Variants in ANKFN1 observed in about 807,000 individuals in gnomAD.
ANKFN1 encodes ankyrin repeat and fibronectin type III domain containing 1, also known as ankyrin repeat and fibronectin type-III domain-containing protein 1.
ANKFN1 carries 74 observed loss-of-function variants against 108.7 expected under a neutral mutation model. The observed-to-expected ratio is 0.68, with a 90% CI of 0.56 to 0.83. ANKFN1 has a LOEUF of 0.83. Among genes scored for constraint, ANKFN1 ranks in the 40% least tolerant of loss-of-function variants. The probability of loss-of-function intolerance (pLI) is 0.00; values close to 1 mark genes in which losing one functional copy is unlikely to be tolerated. For missense variants in ANKFN1, 1,505 were observed against 1,382.3 expected, an observed-to-expected ratio of 1.09 and a Z score of -1.41; for synonymous variants, 547 against 516.2, an observed-to-expected ratio of 1.06 and a Z score of -0.81.
intron 20 of ANKFN1, among the ~76,000 whole-genome samples, 197 bp from the exon 21 acceptor site, chr17:56,510,276 A>AT (rs2051702046): frequency 6.6e-6 from 1 of 151,996 alleles, no homozygotes; most frequent in Non-Finnish European, 1.5e-5. Context: ...CCACTACATA[A>AT]TTTGTGGGGT....
intron 1 of ANKFN1, among the ~76,000 whole-genome samples, chr17:56,200,919 T>C (rs1040861533): frequency 1.3e-5 from 2 of 152,216 alleles, no homozygotes; most frequent in Non-Finnish European, 2.9e-5. Context: ...CATCAGAAGA[T>C]TCTGAAGCAT....
chr17:56,335,774 G>A (rs1056609575), intron 4 of ANKFN1, among the ~76,000 whole-genome samples: 1 of 152,102 alleles, frequency 6.6e-6, no homozygotes, highest in Non-Finnish European at 1.5e-5. Context: ...TGGTGAGAGA[G>A]GGCATCCCTG....
intron 3 of ANKFN1, among the ~76,000 whole-genome samples, chr17:56,253,617 AT>A (rs1165056520): frequency 1.3e-5 from 2 of 152,202 alleles, no homozygotes; most frequent in African/African-American, 2.4e-5. Context: ...ATGCACCTAT[AT>A]CCCGGCTATT....
At chr17:56,330,736 T>A (rs960072254) in intron 4 of ANKFN1, among the ~76,000 whole-genome samples, 2 of 152,138 alleles carry the variant, frequency 1.3e-5, no homozygotes, top group African/African-American at 2.4e-5. Flanking sequence ...TACTTACTTT[T>A]TAATCCCTTG....
At chr17:56,226,099 C>CT (rs933370178) in intron 2 of ANKFN1, among the ~76,000 whole-genome samples, 35 of 151,396 alleles carry the variant, frequency 2.3e-4, no homozygotes, top group African/African-American at 7.5e-4. Flanking sequence ...TTTCAGTGGA[C>CT]TTTTTTTTTG....
In ANKFN1 at chr17:56,140,499, C is replaced by T. The variant is rs563612258; in HGVS notation, c.289-87418C>T. Among the ~76,000 whole-genome samples, 6 of 152,268 alleles carry T rather than the reference C, an allele frequency of 3.9e-5. No individual in the cohort carries two copies. In the East Asian group the frequency reaches 7.7e-4, roughly 20 times the overall value. ...TGCAGCTGAAAGACTTTCTTATTTT[C>T]TTGTCTTTCAAATTCTAACCTGCCT... On this transcript the variant is annotated intron_variant, in intron 4 of 12. Transcript: ENST00000635860.
intron 8 of ANKFN1, among the ~76,000 whole-genome samples, chr17:56,398,966 G>T (rs948167650): frequency 1.1e-4 from 17 of 152,078 alleles, no homozygotes; most frequent in African/African-American, 4.1e-4. Context: ...TGCCATGCTG[G>T]TACATAATAG....
At chr17:56,161,366 G>A (rs936881036) in intron 1 of ANKFN1, among the ~76,000 whole-genome samples, 4 of 152,094 alleles carry the variant, frequency 2.6e-5, no homozygotes, top group African/African-American at 7.2e-5. Context: ...TAGTAACTGC[G>A]TTCAGGGAAG....
chr17:56,149,888 G>C (rs1360684388), upstream of ANKFN1, among the ~76,000 whole-genome samples: 6 of 152,234 alleles, frequency 3.9e-5, no homozygotes, highest in Admixed American at 1.3e-4. Flanking sequence ...CCAGCTTCCA[G>C]GGTTGGAAGG....
intron 1 of ANKFN1, among the ~76,000 whole-genome samples, chr17:56,188,545 A>ATGTGTG (rs1173100959): frequency 2.0e-3 from 170 of 87,056 alleles, no homozygotes; most frequent in African/African-American, 8.5e-3. Context: ...TAAGATGTAT[A>ATGTGTG]TGTGTGTGTG....
intron 1 of ANKFN1, among the ~76,000 whole-genome samples, chr17:56,161,055 A>G (rs1288736732): frequency 6.6e-6 from 1 of 152,200 alleles, no homozygotes; most frequent in East Asian, 1.9e-4. Context: ...ATTAGAGGAG[A>G]TTTGTATGCC....
chr17:56,443,082 C>A (rs2049166460), intron 10 of ANKFN1, 149 bp downstream of exon 10: 1 of 674,938 alleles, frequency 1.5e-6, no homozygotes, highest in Non-Finnish European at 2.5e-6. Context: ...ATGAATGATT[C>A]CCCTGCAGAA....
At chr17:56,380,082 G>A (rs1598488560) in intron 8 of ANKFN1, among the ~76,000 whole-genome samples, 1 of 152,256 alleles carries the variant, frequency 6.6e-6, no homozygotes, top group Admixed American at 6.5e-5. Flanking sequence ...TTAATTTGGG[G>A]AGAATCTCAT....
chr17:56,310,719 A>G (rs2044995770), intron 3 of ANKFN1, among the ~76,000 whole-genome samples: 1 of 152,024 alleles, frequency 6.6e-6, no homozygotes, highest in Admixed American at 6.6e-5. Context: ...TAGCAAGCTA[A>G]TTAACATATC....
intron 8 of ANKFN1, among the ~76,000 whole-genome samples, chr17:56,402,361 C>T (rs1216221381): frequency 2.0e-5 from 3 of 152,036 alleles, no homozygotes; most frequent in African/African-American, 4.8e-5. Flanking sequence ...ATTTCAATCT[C>T]GCTGCTTGCT....
chr17:56,467,799 A>AGAAAGAAAG (rs1568026402), intron 15 of ANKFN1, among the ~76,000 whole-genome samples: 34 of 20,130 alleles, frequency 1.7e-3, no homozygotes, highest in Middle Eastern at 0.023. Context: ...AAGAAGAAAG[A>AGAAAGAAAG]AAGAAAGAAA....
At chr17:56,493,991 A>G (rs1191733909) in intron 19 of ANKFN1, among the ~76,000 whole-genome samples, 4 of 152,202 alleles carry the variant, frequency 2.6e-5, no homozygotes, top group Non-Finnish European at 1.5e-5. Flanking sequence ...GAATTCAATG[A>G]GATAATACAT....
At chr17:56,163,016 CG>C in intron 1 of ANKFN1, among the ~76,000 whole-genome samples, 1 of 144,884 alleles carries the variant, frequency 6.9e-6, no homozygotes, top group East Asian at 2.0e-4. Context: ...GCCTGGGTGA[CG>C]AGAGTGAGAC....
intron 3 of ANKFN1, among the ~76,000 whole-genome samples, chr17:56,325,299 T>A (rs1375160885): frequency 6.6e-6 from 1 of 151,438 alleles, no homozygotes; most frequent in Non-Finnish European, 1.5e-5. Context: ...TGTGCACGTG[T>A]GCAGTATTCA....
Sources: gnomAD v4.1 joint callset for allele counts (sites outside exome capture counted in the v4.1 genomes callset) on GRCh38, gnomAD v4.1.1 for gene constraint, MANE v1.5 for transcripts, NCBI Gene and HGNC (gene_info 2026-07-23, HGNC 2026-07-21) for gene names.